PTGES3: variants seen among roughly 807,000 people sequenced by gnomAD.
The protein encoded by PTGES3 is Hsp90 co-chaperone.
Under a neutral mutation model 29.9 loss-of-function variants are expected in PTGES3, and 5 were observed. The ratio of observed to expected loss-of-function variants is 0.17; its 90% confidence interval spans 0.09 to 0.35. The LOEUF is 0.35. Among genes scored for constraint, PTGES3 ranks in the 10% least tolerant of loss-of-function variants. The pLI is 1.00. For synonymous variants in PTGES3, 49 were observed against 57.8 expected (o/e 0.85, Z 0.69); for missense variants, 128 against 190.0 (o/e 0.67, Z 1.92).
intron 1 of PTGES3, among the ~76,000 whole-genome samples, chr12:56,674,825 C>CAAAAA (rs869222252): frequency 0.017 from 270 of 16,114 alleles, 52 homozygotes; most frequent in East Asian, 0.041. Context: ...GACTCCATCT[C>CAAAAA]AAAAAAAAAA....
chr12:56,686,326 A>G (rs961312495), intron 1 of PTGES3, among the ~76,000 whole-genome samples: 7 of 152,190 alleles, frequency 4.6e-5, no homozygotes, highest in Admixed American at 3.9e-4. Context: ...TACATTACTT[A>G]GGAGAGCTTT....
chr12:56,688,031 TG>T lies in PTGES3; in HGVS notation c.-33del. On this transcript the variant is annotated 5_prime_UTR_variant, in exon 1 of 8. Coordinates refer to ENST00000262033, the MANE Select transcript of PTGES3 (RefSeq NM_006601.7). ...CGGGGCAGGGGGACGGGCGAACTGG[TG>T]GGCGGGCCTCTCTGGCGGCGGCTGC... 6.6e-7 allele frequency: 1 copy of T among 1,513,674 alleles called. No individual in the cohort carries two copies. Among genetic ancestry groups the T allele is most frequent in the South Asian group, 1.2e-5 (1 of 81,856 alleles). The allele number at this position is 1,513,674 out of a possible 1,614,324, so 93.8% of individuals were successfully genotyped here. A position where few individuals can be genotyped will look rare whatever the true frequency, so the allele number is the denominator to read the frequency against.
chr12:56,675,716 T>C (rs144315866), intron 1 of PTGES3, among the ~76,000 whole-genome samples: 194 of 151,446 alleles, frequency 1.3e-3, no homozygotes, highest in African/African-American at 4.6e-3. Flanking sequence ...AGGTCAGGAG[T>C]TCAGAGACCA....
At chr12:56,677,222 G>C (rs138202361) in intron 1 of PTGES3, among the ~76,000 whole-genome samples, 4 of 150,014 alleles carry the variant, frequency 2.7e-5, no homozygotes, top group South Asian at 4.2e-4. Flanking sequence ...CTGGGCGACA[G>C]AGTGAGACTC....
intron 1 of PTGES3, among the ~76,000 whole-genome samples, chr12:56,683,096 T>C (rs1213488026): frequency 6.6e-6 from 1 of 151,968 alleles, no homozygotes; most frequent in Non-Finnish European, 1.5e-5. Context: ...ACGCCTGTAA[T>C]CCCAGCACTC....
chr12:56,686,105 C>T (rs1952833575), intron 1 of PTGES3, among the ~76,000 whole-genome samples: 1 of 86,636 alleles, frequency 1.2e-5, no homozygotes, highest in Non-Finnish European at 2.6e-5. Flanking sequence ...GTTTTTAAAT[C>T]TACTTTCCTA....
At chr12:56,675,477 C>A in intron 1 of PTGES3, among the ~76,000 whole-genome samples, 1 of 140,378 alleles carries the variant, frequency 7.1e-6, no homozygotes, top group African/African-American at 2.6e-5. Context: ...TGCAGTGAGC[C>A]AAGATCACAC....
intron 1 of PTGES3, among the ~76,000 whole-genome samples, chr12:56,685,590 C>T (rs993591893): frequency 3.3e-4 from 50 of 150,782 alleles, no homozygotes; most frequent in Non-Finnish European, 6.2e-4. Flanking sequence ...TTAGTAGAGA[C>T]GGGGTTTCAC....
intron 1 of PTGES3, among the ~76,000 whole-genome samples, chr12:56,683,968 A>AC (rs1242298185): frequency 1.5e-4 from 22 of 145,990 alleles, no homozygotes; most frequent in South Asian, 2.1e-4. Context: ...AAAAAAAAAA[A>AC]AAACAAAAAA....
intron 1 of PTGES3, chr12:56,687,367 A>T (rs932003253): frequency 5.4e-5 from 53 of 987,526 alleles, no homozygotes; most frequent in Non-Finnish European, 5.7e-5. Context: ...AGTTTTGGCA[A>T]CCTCCCGTGT....
At chr12:56,671,932 ATTTC>A (rs1432423895) in intron 3 of PTGES3, 85 bp from the exon 4 acceptor site, 3 of 767,808 alleles carry the variant, frequency 3.9e-6, no homozygotes, top group Non-Finnish European at 5.7e-6. Flanking sequence ...CACCTTTCTC[ATTTC>A]TTTACCTAAA....
Position 56,664,789 on chromosome 12 carries a change from G to A in PTGES3, c.450C>T (p.Asp150=), listed in dbSNP as rs763312221. The change falls in exon 7 of 8, where the codon GAC becomes GAT. Residue 150 remains aspartate (D), a synonymous_variant. Coordinates refer to ENST00000262033, the MANE Select transcript of PTGES3 (RefSeq NM_006601.7). The part of the protein sequence containing the change: ...EVDGADDDSQ[D]SDDEKMPDLE ...ATATACACTTACTTTCATCATCACT[G>A]TCTTGTGAATCCTGAAAGAGGGAAA... The A allele has an allele frequency of 3.8e-6, 6 of 1,597,210 alleles. No homozygotes were observed. Among genetic ancestry groups the A allele is most frequent in the Admixed American group, 1.7e-5 (1 of 57,836 alleles).
chr12:56,673,272 T>C (rs1338568510), intron 1 of PTGES3, among the ~76,000 whole-genome samples: 1 of 152,038 alleles, frequency 6.6e-6, no homozygotes, highest in Non-Finnish European at 1.5e-5. Context: ...AATTTCATAA[T>C]AGGAAAGATT....
intron 4 of PTGES3, 187 bp from the exon 5 acceptor site, chr12:56,670,551 C>A: frequency 3.6e-6 from 2 of 557,422 alleles, no homozygotes; most frequent in South Asian, 4.2e-5. Context: ...AGCTCCGTTT[C>A]TGACCAAGGG....
intron 1 of PTGES3, among the ~76,000 whole-genome samples, chr12:56,685,733 G>A (rs894639313): frequency 6.8e-6 from 1 of 146,202 alleles, no homozygotes; most frequent in African/African-American, 2.5e-5. Flanking sequence ...AACTAGAGAG[G>A]CTACTTTTTG....
At chr12:56,686,410 G>C (rs963451553) in intron 1 of PTGES3, among the ~76,000 whole-genome samples, 4 of 151,824 alleles carry the variant, frequency 2.6e-5, no homozygotes, top group African/African-American at 9.7e-5. Flanking sequence ...TTTCACTCTT[G>C]TTGCCCAGGC....
At chr12:56,676,043 G>A (rs371579512) in intron 1 of PTGES3, among the ~76,000 whole-genome samples, 3 of 151,550 alleles carry the variant, frequency 2.0e-5, no homozygotes, top group South Asian at 2.1e-4. Flanking sequence ...TCTGACCAAC[G>A]TGGAGAAACC....
At chr12:56,665,582 C>T (rs1004794211) in intron 6 of PTGES3, 3 of 985,372 alleles carry the variant, frequency 3.0e-6, no homozygotes, top group Non-Finnish European at 3.6e-6. Flanking sequence ...GGTCTCTGAC[C>T]AATCCTGACA....
intron 1 of PTGES3, among the ~76,000 whole-genome samples, chr12:56,679,709 C>T (rs1020932318): frequency 2.0e-5 from 3 of 151,946 alleles, no homozygotes; most frequent in East Asian, 3.9e-4. Context: ...TCTGTCACCC[C>T]GGAGTGACAG....
Sources: gnomAD v4.1 joint callset for allele counts (sites outside exome capture counted in the v4.1 genomes callset) on GRCh38, gnomAD v4.1.1 for gene constraint, MANE v1.5 for transcripts, NCBI Gene and HGNC (gene_info 2026-07-23, HGNC 2026-07-21) for gene names.